The following ZBTB20 variants were observed in gnomAD, a reference collection of about 807,000 sequenced individuals.
ZBTB20 encodes the protein zinc finger and BTB domain containing 20.
A neutral mutation model predicts 56.9 loss-of-function variants in ZBTB20; 9 were observed. That is an observed-to-expected ratio of 0.16 (90% CI 0.10 to 0.28). The LOEUF (loss-of-function observed/expected upper bound fraction) is 0.28. Among genes scored for constraint, ZBTB20 ranks in the 10% least tolerant of loss-of-function variants. The pLI is 1.00. For missense variants in ZBTB20, 655 were observed against 1,003.0 expected (o/e 0.65, Z 4.69); for synonymous variants, 417 against 420.7 (o/e 0.99, Z 0.11).
chr3:115,042,896 G>A (rs2081195282), intron 2 of ZBTB20, among the ~76,000 whole-genome samples: 1 of 152,088 alleles, frequency 6.6e-6, no homozygotes, highest in African/African-American at 2.4e-5. Context: ...TTTTTTGTAT[G>A]CAAAGAAGAA....
intron 5 of ZBTB20, among the ~76,000 whole-genome samples, chr3:114,785,593 T>C (rs2070420301): frequency 6.6e-6 from 1 of 152,164 alleles, no homozygotes; most frequent in African/African-American, 2.4e-5. Context: ...ATTATTATAT[T>C]TTACTTTGTG....
intron 7 of ZBTB20, among the ~76,000 whole-genome samples, chr3:114,418,303 G>A (rs1226989148): frequency 2.0e-5 from 3 of 152,024 alleles, no homozygotes; most frequent in Non-Finnish European, 4.4e-5. Context: ...ACAGCCTTAT[G>A]GCTATTACTC....
intron 7 of ZBTB20, among the ~76,000 whole-genome samples, chr3:114,412,958 A>G (rs1031093803): frequency 3.9e-5 from 6 of 152,136 alleles, no homozygotes; most frequent in Non-Finnish European, 8.8e-5. Context: ...CTTAAATACA[A>G]TTGCAGTCAC....
intron 6 of ZBTB20, among the ~76,000 whole-genome samples, chr3:114,542,558 AG>A (rs1465188429): frequency 6.6e-6 from 1 of 152,182 alleles, no homozygotes; most frequent in African/African-American, 2.4e-5. Flanking sequence ...GGGCTGGGGA[AG>A]GGAGAATGGA....
rs374936013 is a variant in ZBTB20, at chr3:114,969,648, T to C, written c.-456+4718A>G. 5.3e-5 allele frequency among the ~76,000 whole-genome samples: 8 copies of C among 152,320 alleles called. No homozygotes were observed. In the South Asian group the frequency reaches 1.2e-3, roughly 24 times the overall value. On this transcript the variant is annotated intron_variant, in intron 3 of 11. Transcript: ENST00000675478. ...CTCGTTCCTTATCTAACCATTACTA[T>C]GGCAAATACTCTATAACCAGGTACC...
intron 5 of ZBTB20, among the ~76,000 whole-genome samples, chr3:114,779,426 C>A (rs910616542): frequency 6.6e-6 from 1 of 152,118 alleles, no homozygotes; most frequent in African/African-American, 2.4e-5. Flanking sequence ...AGTTCTATCA[C>A]CCCTGGTAAG....
intron 6 of ZBTB20, among the ~76,000 whole-genome samples, chr3:114,639,029 A>G (rs1438594365): frequency 6.6e-6 from 1 of 152,022 alleles, no homozygotes; most frequent in African/African-American, 2.4e-5. Flanking sequence ...ACTGTGATTC[A>G]CCCCAATGCT....
intron 2 of ZBTB20, among the ~76,000 whole-genome samples, chr3:115,000,527 C>T (rs2108210025): frequency 6.6e-6 from 1 of 151,482 alleles, no homozygotes; most frequent in African/African-American, 2.4e-5. Context: ...TTCACATTGC[C>T]CAACCCCTAG....
chr3:114,837,990 C>T (rs1305378323), intron 4 of ZBTB20, among the ~76,000 whole-genome samples: 1 of 152,194 alleles, frequency 6.6e-6, no homozygotes, highest in Non-Finnish European at 1.5e-5. Flanking sequence ...TAAAATCTCA[C>T]TCAAGTAGTG....
intron 2 of ZBTB20, among the ~76,000 whole-genome samples, chr3:115,029,516 T>C (rs1219173347): frequency 6.6e-6 from 1 of 150,744 alleles, no homozygotes; most frequent in African/African-American, 2.4e-5. Context: ...GTAAACCATA[T>C]AGAAACTGAT....
At chr3:114,967,926 CA>C (rs1045387910) in intron 3 of ZBTB20, among the ~76,000 whole-genome samples, 15 of 149,300 alleles carry the variant, frequency 1.0e-4, no homozygotes, top group South Asian at 2.1e-4. Context: ...CATTGCACTC[CA>C]ACCTAGGTGA....
At chr3:114,396,668 G>C (rs2086362887) in intron 7 of ZBTB20, among the ~76,000 whole-genome samples, 3 of 152,078 alleles carry the variant, frequency 2.0e-5, no homozygotes, top group African/African-American at 7.2e-5. Flanking sequence ...CCAAACCACT[G>C]ATCTGCCTTC....
At chr3:115,004,505 A>G (rs1327064807) in intron 2 of ZBTB20, among the ~76,000 whole-genome samples, 1 of 151,706 alleles carries the variant, frequency 6.6e-6, no homozygotes, top group East Asian at 2.0e-4. Flanking sequence ...AGTAGAACAC[A>G]CACTAGGGTT....
chr3:114,983,957 G>A (rs945865588), intron 2 of ZBTB20, among the ~76,000 whole-genome samples: 1 of 151,778 alleles, frequency 6.6e-6, no homozygotes, highest in African/African-American at 2.4e-5. Context: ...GATTTCCTTT[G>A]CTATATTATT....
At chr3:115,129,777 A>T (rs2084447699) in intron 1 of ZBTB20, among the ~76,000 whole-genome samples, 1 of 152,206 alleles carries the variant, frequency 6.6e-6, no homozygotes, top group Non-Finnish European at 1.5e-5. Flanking sequence ...ACATCATCAG[A>T]AGTACCTGAA....
chr3:114,629,154 G>A (rs1465518395), intron 6 of ZBTB20, among the ~76,000 whole-genome samples: 4 of 152,156 alleles, frequency 2.6e-5, no homozygotes, highest in Non-Finnish European at 5.9e-5. Flanking sequence ...TCAAATTTTG[G>A]CTCTGAAATT....
At chr3:114,793,831 TAC>T (rs2071154211) in intron 5 of ZBTB20, among the ~76,000 whole-genome samples, 1 of 152,074 alleles carries the variant, frequency 6.6e-6, no homozygotes, top group African/African-American at 2.4e-5. Context: ...CAGTTTCTGA[TAC>T]TGTGAACTAA....
At chr3:114,447,591 A>G (rs1421402104) in intron 7 of ZBTB20, among the ~76,000 whole-genome samples, 1 of 152,086 alleles carries the variant, frequency 6.6e-6, no homozygotes, top group Admixed American at 6.5e-5. Context: ...ATGTCTCTTG[A>G]AAAGCGCCAG....
chr3:114,633,759 G>C (rs2107849948), intron 6 of ZBTB20, among the ~76,000 whole-genome samples: 1 of 152,194 alleles, frequency 6.6e-6, no homozygotes, highest in East Asian at 1.9e-4. Context: ...CAATGAAGAG[G>C]AAATACAAAT....
Sources: allele counts gnomAD v4.1 joint callset (sites outside exome capture counted in the v4.1 genomes callset), GRCh38; gene constraint gnomAD v4.1.1; transcripts MANE v1.5; gene names NCBI Gene and HGNC (gene_info 2026-07-23, HGNC 2026-07-21).